Variants in KSR1 observed in about 807,000 individuals in gnomAD.
The protein encoded by KSR1 is kinase suppressor of ras 1, also known as kinase suppressor of ras.
A neutral mutation model predicts 92.9 loss-of-function variants in KSR1; 35 were observed. That is an observed-to-expected ratio of 0.38 (90% CI 0.29 to 0.50). The LOEUF is 0.50. Among genes scored for constraint, KSR1 ranks in the 20% least tolerant of loss-of-function variants. The pLI, the probability that KSR1 is intolerant of heterozygous loss-of-function variation, is 0.94. For synonymous variants in KSR1, 467 were observed against 472.6 expected (o/e 0.99, Z 0.15); for missense variants, 972 against 1,158.5 (o/e 0.84, Z 2.34).
intron 11 of KSR1, chr17:27,601,885 C>T (rs750804033): frequency 5.6e-6 from 9 of 1,605,720 alleles, no homozygotes; most frequent in Middle Eastern, 1.6e-4. Flanking sequence ...CTGTGCCTTA[C>T]CACACAGTGC....
chr17:27,609,241 A>G lies in KSR1; in HGVS notation c.2137A>G (p.Lys713Glu). 6.2e-7 allele frequency: 1 copy of G among 1,613,884 alleles called. No homozygotes were observed. The highest frequency in any genetic ancestry group is 8.5e-7 in the Non-Finnish European group (1 of 1,179,762). ...CAAGGGCATCGTACACAAAGATCTC[A>G]AATCTAAGAACGTCTTCTATGACAA... The part of the protein sequence containing the change: ...HAKGIVHKDL[K>E]SKNVFYDNGK... The change falls in exon 16 of 21, where the codon AAA becomes GAA. Residue 713 changes from lysine (K) to glutamate (E), a missense_variant. By Grantham distance (56) the Lys-to-Glu change is moderately conservative. Coordinates refer to ENST00000644974, the MANE Select transcript of KSR1 (RefSeq NM_001394583.1).
At chr17:27,486,763 G>A (rs2068677786) in intron 1 of KSR1, among the ~76,000 whole-genome samples, 1 of 152,162 alleles carries the variant, frequency 6.6e-6, no homozygotes, top group African/African-American at 2.4e-5. Context: ...CGGGTGGTTT[G>A]GGGTTGGAGT....
chr17:27,468,113 G>A lies in KSR1; in HGVS notation c.231+11239G>A, dbSNP rs571620002. Among the ~76,000 whole-genome samples the A allele has an allele frequency of 4.0e-5, 6 of 151,834 alleles. No homozygotes were observed. The South Asian group carries it at 1.0e-3, about 26-fold the overall frequency. On this transcript the variant is annotated intron_variant, in intron 1 of 20. Coordinates refer to ENST00000644974, the MANE Select transcript of KSR1 (RefSeq NM_001394583.1). Reference sequence around the variant, plus strand: ...ATTACAGGCGTGAGCCACTGCGCCCGGCCATATTTTTTTTTTTTAACTTTA... The same window carrying A: ...ATTACAGGCGTGAGCCACTGCGCCCAGCCATATTTTTTTTTTTTAACTTTA...
intron 2 of KSR1, among the ~76,000 whole-genome samples, chr17:27,555,735 T>C (rs755446579): frequency 2.7e-4 from 41 of 152,252 alleles, no homozygotes; most frequent in Non-Finnish European, 5.7e-4. Context: ...AATTTACCAT[T>C]TTAATCATTT....
intron 2 of KSR1, among the ~76,000 whole-genome samples, chr17:27,564,745 C>G (rs1364116855): frequency 1.1e-4 from 16 of 142,366 alleles, no homozygotes; most frequent in Middle Eastern, 3.5e-3. Flanking sequence ...GACCCCCCCC[C>G]CCCACCTCCC....
intron 1 of KSR1, among the ~76,000 whole-genome samples, chr17:27,528,602 G>A (rs2070408987): frequency 6.6e-6 from 1 of 151,872 alleles, no homozygotes; most frequent in Non-Finnish European, 1.5e-5. Flanking sequence ...TCTTCCTATT[G>A]AAACTCCATT....
chr17:27,599,379 G>A (rs759236176), intron 10 of KSR1, among the ~76,000 whole-genome samples: 5 of 152,230 alleles, frequency 3.3e-5, no homozygotes, highest in Non-Finnish European at 7.3e-5. Context: ...CCAACATGGT[G>A]AAACCCCATC....
intron 1 of KSR1, among the ~76,000 whole-genome samples, chr17:27,521,741 G>A (rs954791949): frequency 3.9e-5 from 6 of 152,198 alleles, no homozygotes; most frequent in African/African-American, 1.4e-4. Context: ...GCCTGCAAAG[G>A]CTACTCTGAT....
chr17:27,480,403 T>TTCTTC (rs1489524467), intron 1 of KSR1, among the ~76,000 whole-genome samples: 3 of 152,040 alleles, frequency 2.0e-5, no homozygotes, highest in East Asian at 1.9e-4. Flanking sequence ...TTCTTTTCTT[T>TTCTTC]TTTTAAATTT....
chr17:27,603,414 T>G (rs1307096552), intron 11 of KSR1, among the ~76,000 whole-genome samples: 1 of 152,226 alleles, frequency 6.6e-6, no homozygotes, highest in Non-Finnish European at 1.5e-5. Flanking sequence ...TCTCATTAGT[T>G]TCAAGGGTTG....
rs2071735784 is a variant in KSR1, at chr17:27,559,484, T to C, written c.372+8776T>C. Among the ~76,000 whole-genome samples the C allele has an allele frequency of 6.6e-6, 1 of 152,262 alleles. No individual in the cohort carries two copies. The highest frequency in any genetic ancestry group is 2.1e-4 in the South Asian group (1 of 4,836). On this transcript the variant is annotated intron_variant, in intron 2 of 20. Transcript: ENST00000644974. This position sits in a 1 kb window ranked among gnomAD's most constrained non-coding sequence, Gnocchi z 4.2. ...GGCTTGGGGACACTTGAAATGTGTATAGTGCAGCTGAGAAACTGAAATTCG... is the reference window on the plus strand; with the variant it reads ...GGCTTGGGGACACTTGAAATGTGTACAGTGCAGCTGAGAAACTGAAATTCG...
chr17:27,514,443 G>T (rs2069713756), intron 1 of KSR1, among the ~76,000 whole-genome samples: 1 of 152,218 alleles, frequency 6.6e-6, no homozygotes, highest in Admixed American at 6.5e-5. Context: ...TGGATCACCT[G>T]AAGTCAGGAG....
At chr17:27,595,321 C>G (rs550553122) in intron 9 of KSR1, among the ~76,000 whole-genome samples, 1 of 152,322 alleles carries the variant, frequency 6.6e-6, no homozygotes, top group Admixed American at 6.5e-5. Context: ...TCTGGGTGCT[C>G]CTAGCTAGCA....
intron 9 of KSR1, among the ~76,000 whole-genome samples, chr17:27,592,842 T>C (rs1450362046): frequency 2.0e-5 from 3 of 152,250 alleles, no homozygotes; most frequent in Admixed American, 1.3e-4. Context: ...CCCTTCTCCT[T>C]TGAGCTAACA....
At chr17:27,560,954 G>A (rs2071803769) in intron 2 of KSR1, among the ~76,000 whole-genome samples, 1 of 152,208 alleles carries the variant, frequency 6.6e-6, no homozygotes, top group South Asian at 2.1e-4. Flanking sequence ...CCCAGTGGGG[G>A]CTGGGCCACA....
intron 1 of KSR1, among the ~76,000 whole-genome samples, chr17:27,463,695 G>T (rs6505292): frequency 0.43 from 65,255 of 151,872 alleles, 14,381 homozygotes; most frequent in South Asian, 0.63. Context: ...GGAGGGAGGG[G>T]CTGGATTTCA....
chr17:27,533,065 C>T (rs140526574), intron 1 of KSR1, among the ~76,000 whole-genome samples: 137 of 152,270 alleles, frequency 9.0e-4, no homozygotes, highest in African/African-American at 2.9e-3. Flanking sequence ...GGACAGTAGG[C>T]ACCCCAAAAG....
rs986811172 is a variant in KSR1 at position 27,624,485 on chromosome 17, C to T, written c.*1093C>T. On this transcript the variant is annotated 3_prime_UTR_variant, in exon 21 of 21. Transcript: ENST00000644974. ...CTATCACCCCTTTCATTTAGACCTA[C>T]CTAGCTGGCCCCCATCTGCAGAGCC... 1 of 152,236 alleles carries T rather than the reference C, an allele frequency of 6.6e-6. No homozygotes were observed. Among genetic ancestry groups the T allele is most frequent in the African/African-American group, 2.4e-5 (1 of 41,440 alleles). The allele number at this position is 152,236 out of a possible 1,614,324, so 9.4% of individuals were successfully genotyped here.
intron 1 of KSR1, among the ~76,000 whole-genome samples, chr17:27,523,675 C>T (rs1343979175): frequency 3.9e-5 from 6 of 152,296 alleles, no homozygotes; most frequent in East Asian, 3.9e-4. Context: ...AACCCAATGT[C>T]GGTGTGGTGG....
Sources: allele counts gnomAD v4.1 joint callset (sites outside exome capture counted in the v4.1 genomes callset), GRCh38; gene constraint gnomAD v4.1.1; non-coding constraint Gnocchi (gnomAD v3.1); transcripts MANE v1.5; gene names NCBI Gene and HGNC (gene_info 2026-07-23, HGNC 2026-07-21).